Variants in UHRF1 observed in about 807,000 individuals in gnomAD.
UHRF1 encodes the protein ubiquitin like with PHD and ring finger domains 1, also known as E3 ubiquitin-protein ligase UHRF1.
A neutral mutation model predicts 96.5 loss-of-function variants in UHRF1; 9 were observed. The observed-to-expected ratio is 0.09, with a 90% CI of 0.06 to 0.16. The LOEUF (loss-of-function observed/expected upper bound fraction) is 0.16, where lower values mean the gene tolerates loss of function less well. Ranked by LOEUF, UHRF1 falls within the 10% of genes least tolerant of loss-of-function variation. UHRF1 has a pLI of 1.00. For missense variants in UHRF1, 626 were observed against 1,131.1 expected, an observed-to-expected ratio of 0.55 and a Z score of 6.40; for synonymous variants, 455 against 469.9, an observed-to-expected ratio of 0.97 and a Z score of 0.41.
intron 1 of UHRF1, chr19:4,903,729 G>C (rs2656929): frequency 0.22 from 33,255 of 151,860 alleles, 3,811 homozygotes; most frequent in East Asian, 0.34. Context: ...TCTCGAACTT[G>C]TGGCCTCACA....
chr19:4,956,614 T>C (rs937283837), intron 15 of UHRF1, 95 bp from the exon 16 acceptor site: 5 of 780,066 alleles, frequency 6.4e-6, no homozygotes, highest in Non-Finnish European at 1.1e-5. Context: ...GGGGACAGAA[T>C]TAGAGGACCC....
chr19:4,931,630 G>A (rs2033055613), intron 4 of UHRF1, among the ~76,000 whole-genome samples: 1 of 151,746 alleles, frequency 6.6e-6, no homozygotes, highest in Non-Finnish European at 1.5e-5. Flanking sequence ...CACCACGCCT[G>A]GCTAATTTTT....
At chr19:4,942,871 G>C (rs886105583) in intron 7 of UHRF1, among the ~76,000 whole-genome samples, 8 of 152,090 alleles carry the variant, frequency 5.3e-5, no homozygotes, top group Non-Finnish European at 1.0e-4. Context: ...CCAGGAGGTC[G>C]AGGGTGCAGT....
chr19:4,943,255 G>T (rs745483945), intron 7 of UHRF1, among the ~76,000 whole-genome samples: 9 of 151,832 alleles, frequency 5.9e-5, no homozygotes, highest in Admixed American at 4.6e-4. Flanking sequence ...AAAAAAAAAG[G>T]GGGGGTGGTG....
intron 12 of UHRF1, 23 bp downstream of exon 12, chr19:4,950,796 GGGGGCTCTGTCCCCGCC>G: frequency 6.2e-7 from 1 of 1,613,084 alleles, no homozygotes; most frequent in African/African-American, 1.3e-5. Flanking sequence ...TGAGGAGGCC[GGGGGCTCTGTCCCCGCC>G]GGGGCTGCCT....
chr19:4,927,095 A>T (rs1850478273), intron 2 of UHRF1, among the ~76,000 whole-genome samples: 1 of 151,798 alleles, frequency 6.6e-6, no homozygotes, highest in South Asian at 2.1e-4. Context: ...AACAAAAAAA[A>T]ACAGGCCGGG....
chr19:4,911,411 G>A (rs1221599282), intron 2 of UHRF1, among the ~76,000 whole-genome samples: 1 of 152,144 alleles, frequency 6.6e-6, no homozygotes, highest in African/African-American at 2.4e-5. Flanking sequence ...AGGACGGAGG[G>A]GACCAGGTTT....
At chr19:4,907,649 T>C (rs547323726), upstream of UHRF1, among the ~76,000 whole-genome samples, 1 of 151,342 alleles carries the variant, frequency 6.6e-6, no homozygotes, top group African/African-American at 2.4e-5. Context: ...TAGGAGTCTT[T>C]CTTGCTTTTT....
At chr19:4,945,129 G>A (rs529625628) in intron 9 of UHRF1, among the ~76,000 whole-genome samples, 14 of 152,246 alleles carry the variant, frequency 9.2e-5, no homozygotes, top group Admixed American at 2.0e-4. Flanking sequence ...AGTGCTCAGC[G>A]GCCAGCCGGG....
chr19:4,958,297 C>G (rs2033908517), intron 16 of UHRF1, among the ~76,000 whole-genome samples: 2 of 152,208 alleles, frequency 1.3e-5, no homozygotes, highest in African/African-American at 4.8e-5. Flanking sequence ...CTAATCCCTC[C>G]AAGCCTCAGT....
intron 2 of UHRF1, among the ~76,000 whole-genome samples, chr19:4,925,780 C>T (rs1013667571): frequency 5.9e-5 from 9 of 152,170 alleles, no homozygotes; most frequent in Non-Finnish European, 1.3e-4. Context: ...CGTTGGCCTC[C>T]CAAAGTGCTG....
chr19:4,922,017 G>A (rs2032718547), intron 2 of UHRF1, among the ~76,000 whole-genome samples: 2 of 152,194 alleles, frequency 1.3e-5, no homozygotes, highest in Non-Finnish European at 2.9e-5. Context: ...GTGCAATGGT[G>A]AGATTTCGGC....
rs762422775 is a variant in UHRF1, at chr19:4,954,602, G to C, written c.1958-48G>C. 2 of 1,597,896 alleles carry C rather than the reference G, an allele frequency of 1.3e-6. No individual in the cohort carries two copies. The highest frequency in any genetic ancestry group is 1.7e-6 in the Non-Finnish European group (2 of 1,172,032). On this transcript the variant is annotated intron_variant, in intron 14 of 16. Transcript: ENST00000650932. The surrounding 1 kb of genome is among the most constrained non-coding windows in gnomAD (Gnocchi z 5.9). Reference sequence around the variant, plus strand: ...GTGGGAGCCGGTGGCTGTCTCTCCGGCAGCTCGGGCCACGCGCCCCTCCCT... The same window carrying C: ...GTGGGAGCCGGTGGCTGTCTCTCCGCCAGCTCGGGCCACGCGCCCCTCCCT...
intron 2 of UHRF1, among the ~76,000 whole-genome samples, chr19:4,928,177 G>T (rs760510131): frequency 1.3e-5 from 2 of 151,770 alleles, no homozygotes; most frequent in African/African-American, 2.4e-5. Context: ...TCCTGGCATG[G>T]AGTAGGTGGA....
At chr19:4,953,788 G>C (rs1026746654) in intron 13 of UHRF1, among the ~76,000 whole-genome samples, 1 of 152,152 alleles carries the variant, frequency 6.6e-6, no homozygotes, top group Admixed American at 6.5e-5. Flanking sequence ...TATTTAGCCT[G>C]TAATCCCAGC....
chr19:4,939,885 G>A lies in UHRF1; in HGVS notation c.786-1643G>A, dbSNP rs889863777. Among the ~76,000 whole-genome samples the A allele has an allele frequency of 7.2e-5, 11 of 152,054 alleles. 1 individual carries two copies. The highest frequency in any genetic ancestry group is 7.2e-5 in the African/African-American group (3 of 41,392). ...TAAAAATACAAAAAATTAGCCAGGC[G>A]TGGTGGCGGGTGCCTATAGTGCCAG... is the stretch of plus-strand genomic sequence containing the variant. On this transcript the variant is annotated intron_variant, in intron 5 of 16. Transcript: ENST00000650932.
chr19:4,941,050 G>GGCA lies in UHRF1; in HGVS notation c.786-477_786-475dup, dbSNP rs1192210741. Among the ~76,000 whole-genome samples the GGCA allele has an allele frequency of 2.7e-5, 4 of 149,364 alleles. 1 individual carries two copies. The highest frequency in any genetic ancestry group is 9.9e-5 in the African/African-American group (4 of 40,540). On this transcript the variant is annotated intron_variant, in intron 5 of 16. Transcript: ENST00000650932. ...AAAGGTTCAAACTCATTCTTCCCAG[G>GGCA]GCATCCTGCAATGAAACTCTGGTTT...
At position 4,946,813 on chromosome 19, in the gene UHRF1, C is replaced by T. The variant is rs144013818; in HGVS notation, c.1411-292C>T. On this transcript the variant is annotated intron_variant, in intron 10 of 16. Coordinates refer to ENST00000650932, the MANE Select transcript of UHRF1 (RefSeq NM_001048201.3). ...CTGATCTCGAACTCCTGGGCTTAAG[C>T]GATCCTCCCGCTGCAGCCTCCCAAA... Among the ~76,000 whole-genome samples the T allele has an allele frequency of 5.3e-5, 8 of 152,122 alleles. No individual in the cohort carries two copies. In the South Asian group the frequency reaches 8.3e-4, roughly 16 times the overall value.
chr19:4,908,884 G>T (rs563275467), upstream of UHRF1, among the ~76,000 whole-genome samples: 1 of 152,148 alleles, frequency 6.6e-6, no homozygotes, highest in Non-Finnish European at 1.5e-5. Context: ...TCCTGTGCCC[G>T]CCAGGACTGG....
Sources: gnomAD v4.1 joint callset for allele counts (sites outside exome capture counted in the v4.1 genomes callset) on GRCh38, gnomAD v4.1.1 for gene constraint, Gnocchi (gnomAD v3.1) non-coding constraint, MANE v1.5 for transcripts, NCBI Gene and HGNC (gene_info 2026-07-23, HGNC 2026-07-21) for gene names.